The following KIAA1217 variants were observed in gnomAD, a reference collection of about 807,000 sequenced individuals.
KIAA1217 encodes the protein sickle tail protein homolog.
Under a neutral mutation model 163.9 loss-of-function variants are expected in KIAA1217, and 88 were observed. The observed-to-expected ratio is 0.54, with a 90% confidence interval of 0.45 to 0.64. The LOEUF (loss-of-function observed/expected upper bound fraction) is 0.64. KIAA1217 is among the 30% of genes least tolerant of loss of function. The pLI is 0.00. For synonymous variants in KIAA1217, 903 were observed against 923.1 expected, an observed-to-expected ratio of 0.98 and a Z score of 0.39; for missense variants, 2,372 against 2,475.0, an observed-to-expected ratio of 0.96 and a Z score of 0.88.
chr10:24,379,849 T>G (rs1327157029), intron 2 of KIAA1217, among the ~76,000 whole-genome samples: 1 of 151,764 alleles, frequency 6.6e-6, no homozygotes, highest in Non-Finnish European at 1.5e-5. Context: ...GTCAGGAGTT[T>G]GAGACCACCC....
At position 23,815,513 on chromosome 10, in the gene KIAA1217, A is replaced by G. The variant is rs545429371; in HGVS notation, c.-321+120279A>G. Among the ~76,000 whole-genome samples the G allele has an allele frequency of 1.9e-3, 286 of 152,208 alleles. 3 individuals are homozygous for G. The highest frequency in any genetic ancestry group is 4.9e-3 in the African/African-American group (204 of 41,526). On this transcript the variant is annotated intron_variant, in intron 1 of 18. Coordinates refer to the KIAA1217 transcript ENST00000376462. Reference sequence around the variant, plus strand: ...CAAAAAATTAGCTGGGCGTGGTGGCAGGCGCCTGTAGTCCCAGCTACTCAG... The same window carrying G: ...CAAAAAATTAGCTGGGCGTGGTGGCGGGCGCCTGTAGTCCCAGCTACTCAG...
chr10:24,218,018 CA>C (rs2069064788), intron 1 of KIAA1217, among the ~76,000 whole-genome samples: 1 of 152,062 alleles, frequency 6.6e-6, no homozygotes, highest in Non-Finnish European at 1.5e-5. Context: ...GTACTTTTTC[CA>C]GGGAATTCAG....
At chr10:23,861,124 G>T (rs1258531310) in intron 1 of KIAA1217, among the ~76,000 whole-genome samples, 1 of 151,928 alleles carries the variant, frequency 6.6e-6, no homozygotes, top group South Asian at 2.1e-4. Context: ...TGTTGTCCAG[G>T]CTGGTCTCAA....
intron 1 of KIAA1217, among the ~76,000 whole-genome samples, chr10:23,984,935 A>C (rs1157061312): frequency 1.3e-5 from 2 of 152,044 alleles, no homozygotes; most frequent in Non-Finnish European, 2.9e-5. Flanking sequence ...TTAAAAAAAA[A>C]AAAGCCTTGA....
Position 23,706,086 on chromosome 10 carries a change from C to CT in KIAA1217, c.-321+10860dup, listed in dbSNP as rs573021459. Among the ~76,000 whole-genome samples, 418 of 151,840 alleles carry CT rather than the reference C, an allele frequency of 2.8e-3. 3 individuals carry two copies. Among genetic ancestry groups the CT allele is most frequent in the African/African-American group, 8.4e-3 (349 of 41,438 alleles). On this transcript the variant is annotated intron_variant, in intron 1 of 18. Coordinates refer to the KIAA1217 transcript ENST00000376462. Reference sequence around the variant, plus strand: ...TTGCTAGTATATGAAAACACAATTGCTTTTTTTTATATTGGTCTTGTGCTC... The same window carrying CT: ...TTGCTAGTATATGAAAACACAATTGCTTTTTTTTTATATTGGTCTTGTGCTC...
At chr10:24,528,215 A>G in intron 14 of KIAA1217, 96 bp downstream of exon 14, 1 of 936,608 alleles carries the variant, frequency 1.1e-6, no homozygotes, top group Non-Finnish European at 1.6e-6. Context: ...AACAGAACCA[A>G]TGTCTCAGTT....
intron 1 of KIAA1217, among the ~76,000 whole-genome samples, chr10:23,957,336 A>T (rs1844612206): frequency 1.3e-5 from 2 of 151,988 alleles, no homozygotes; most frequent in South Asian, 4.2e-4. Flanking sequence ...TGGATCTGTG[A>T]CTTCTGCCTG....
intron 3 of KIAA1217, among the ~76,000 whole-genome samples, chr10:24,384,366 AC>A (rs2053727554): frequency 6.6e-6 from 1 of 152,112 alleles, no homozygotes; most frequent in African/African-American, 2.4e-5. Context: ...GTTCCCATAC[AC>A]CCTTGGCCTC....
intron 1 of KIAA1217, among the ~76,000 whole-genome samples, chr10:23,933,406 A>T (rs1589103791): frequency 6.6e-6 from 1 of 152,358 alleles, no homozygotes; most frequent in East Asian, 1.9e-4. Flanking sequence ...CTCCTAGAGC[A>T]GGGCTCCTAC....
intron 2 of KIAA1217, among the ~76,000 whole-genome samples, chr10:24,337,715 C>G (rs964949879): frequency 1.3e-5 from 2 of 149,702 alleles, no homozygotes; most frequent in Admixed American, 6.7e-5. Flanking sequence ...GCAATCTCCA[C>G]TCACTGCAAA....
At chr10:24,185,963 T>TA (rs34129161) in intron 2 of KIAA1217, among the ~76,000 whole-genome samples, 3,515 of 144,812 alleles carry the variant, frequency 0.024, 41 homozygotes, top group Middle Eastern at 0.061. Context: ...GGCTCTGTAT[T>TA]AAAAAAAAAA....
chr10:23,808,583 CAG>C (rs1343420191), intron 1 of KIAA1217, among the ~76,000 whole-genome samples: 2 of 149,708 alleles, frequency 1.3e-5, no homozygotes, highest in Non-Finnish European at 3.0e-5. Flanking sequence ...ATAGATCAAA[CAG>C]AAAAAAAGGG....
intron 1 of KIAA1217, among the ~76,000 whole-genome samples, chr10:24,006,634 C>G (rs551750237): frequency 6.6e-6 from 1 of 152,282 alleles, no homozygotes; most frequent in Admixed American, 6.5e-5. Flanking sequence ...AATCTTTAGG[C>G]TTCAAAATTC....
intron 1 of KIAA1217, among the ~76,000 whole-genome samples, chr10:23,933,863 G>A (rs545374754): frequency 1.6e-4 from 24 of 152,226 alleles, no homozygotes; most frequent in African/African-American, 5.5e-4. Flanking sequence ...AGTCAGAATG[G>A]CGATTATTAA....
At chr10:24,348,910 GC>G (rs1384564542) in intron 2 of KIAA1217, among the ~76,000 whole-genome samples, 1 of 152,166 alleles carries the variant, frequency 6.6e-6, no homozygotes, top group African/African-American at 2.4e-5. Flanking sequence ...GTTTTGGGAA[GC>G]CAAGGTAGGA....
intron 6 of KIAA1217, among the ~76,000 whole-genome samples, chr10:24,492,624 C>G (rs1207395309): frequency 3.9e-5 from 6 of 152,052 alleles, no homozygotes; most frequent in African/African-American, 1.4e-4. Context: ...CAATTTTAAA[C>G]TAAAGAAAAT....
Position 24,158,492 on chromosome 10 carries a change from G to A in KIAA1217, c.-170-61134G>A, listed in dbSNP as rs191466242. On this transcript the variant is annotated intron_variant, in intron 2 of 18. Coordinates refer to the KIAA1217 transcript ENST00000376462. ...CATTATCAGTCTAAACTGCAGGCTC[G>A]GAAAGCCTTAACCAAAGATGGGAGG... 1,097 of 526,384 alleles carry A rather than the reference G, an allele frequency of 2.1e-3. 6 individuals carry two copies. The highest frequency in any genetic ancestry group is 5.3e-3 in the Middle Eastern group (15 of 2,832). The allele number at this position is 526,384 out of a possible 1,614,324, so 32.6% of individuals were successfully genotyped here. A position where few individuals can be genotyped will look rare whatever the true frequency, so the allele number is the denominator to read the frequency against.
intron 1 of KIAA1217, among the ~76,000 whole-genome samples, chr10:23,925,859 C>T (rs190458066): frequency 5.6e-4 from 85 of 152,230 alleles, no homozygotes; most frequent in Admixed American, 1.2e-3. Flanking sequence ...CTCTTTTCTG[C>T]AGGAGTTTTG....
At chr10:24,099,280 A>G (rs2062297786) in intron 2 of KIAA1217, among the ~76,000 whole-genome samples, 3 of 150,328 alleles carry the variant, frequency 2.0e-5, no homozygotes, top group Admixed American at 2.0e-4. Flanking sequence ...GGTTTGCTGC[A>G]CCCATTAACT....
Sources: gnomAD v4.1 joint callset for allele counts (sites outside exome capture counted in the v4.1 genomes callset) on GRCh38, gnomAD v4.1.1 for gene constraint, MANE v1.5 for transcripts, NCBI Gene and HGNC (gene_info 2026-07-23, HGNC 2026-07-21) for gene names.